Variants in NIPAL4 observed in about 807,000 individuals in gnomAD.
NIPAL4 encodes the protein magnesium transporter NIPA4.
Under a neutral mutation model 31.6 loss-of-function variants are expected in NIPAL4, and 21 were observed. The ratio of observed to expected loss-of-function variants is 0.67; its 90% confidence interval spans 0.47 to 0.96. The LOEUF (loss-of-function observed/expected upper bound fraction) is 0.96. NIPAL4 is among the 40% of genes least tolerant of loss of function. The pLI is 0.00. For missense variants in NIPAL4, 438 were observed against 508.0 expected, an observed-to-expected ratio of 0.86 and a Z score of 1.32; for synonymous variants, 175 against 211.1, an observed-to-expected ratio of 0.83 and a Z score of 1.48.
At chr5:157,465,015 A>G (rs1242989268) in intron 2 of NIPAL4, among the ~76,000 whole-genome samples, 1 of 152,136 alleles carries the variant, frequency 6.6e-6, no homozygotes, top group Non-Finnish European at 1.5e-5. Context: ...AAAGGTTCCC[A>G]CAGTTAGAGG....
Position 157,460,366 on chromosome 5 carries a change from G to A in NIPAL4, c.37+9G>A, listed in dbSNP as rs149147646. ...CACCAGCTGCGAGAACGGTGCGTAC[G>A]GCAGGGCTGGGGACCAGGCGGGCTC... On this transcript the variant is annotated intron_variant, in intron 1 of 5. Transcript: ENST00000311946. The A allele has an allele frequency of 4.7e-5, 72 of 1,542,152 alleles. No homozygotes were observed. The highest frequency in any genetic ancestry group is 6.2e-5 in the Non-Finnish European group (71 of 1,144,682).
Position 157,460,292 on chromosome 5 carries a change from C to A in NIPAL4, c.-29C>A, listed in dbSNP as rs1376932702. ...CTGGGGAGCCCGGGCGCCGTCCGCC[C>A]GCGCGTCGGTTCGTGTGCCCCGGGC... On this transcript the variant is annotated 5_prime_UTR_variant, in exon 1 of 6. Coordinates refer to ENST00000311946, the MANE Select transcript of NIPAL4 (RefSeq NM_001099287.2). 1 of 1,545,930 alleles carries A rather than the reference C, an allele frequency of 6.5e-7. No individual in the cohort carries two copies.
chr5:157,461,488 G>T lies in NIPAL4; in HGVS notation c.37+1131G>T, dbSNP rs1432088492. ...TTCAGGGAGCAGGGGAAGGGCGTGG[G>T]GATGAGTTTGGTCTTCCTCTCAGGA... On this transcript the variant is annotated intron_variant, in intron 1 of 5. Transcript: ENST00000311946. 5.3e-5 allele frequency among the ~76,000 whole-genome samples: 8 copies of T among 152,282 alleles called. No individual in the cohort carries two copies. In the East Asian group the frequency reaches 1.5e-3, roughly 29 times the overall value.
At chr5:157,460,442 C>T (rs1754061322) in intron 1 of NIPAL4, 85 bp downstream of exon 1, 2 of 1,357,556 alleles carry the variant, frequency 1.5e-6, no homozygotes. Context: ...GCATCCTCTC[C>T]TCCCAGGGGG....
chr5:157,472,998 T>G lies in NIPAL4; in HGVS notation c.*38T>G, dbSNP rs1321008205. On this transcript the variant is annotated 3_prime_UTR_variant, in exon 6 of 6. Transcript: ENST00000311946. ...GTGAGTGAGAGGATGAGTCCGATGG[T>G]ACAGCCTGCCCTCCCAATTTCAAAA... 1 of 1,478,772 alleles carries G rather than the reference T, an allele frequency of 6.8e-7. No homozygotes were observed. Among genetic ancestry groups the G allele is most frequent in the Non-Finnish European group, 9.0e-7 (1 of 1,116,814 alleles). The allele number at this position is 1,478,772 out of a possible 1,614,324, so 91.6% of individuals were successfully genotyped here. A position where few individuals can be genotyped will look rare whatever the true frequency, so the allele number is the denominator to read the frequency against.
chr5:157,465,861 G>A (rs1754258475), intron 2 of NIPAL4, among the ~76,000 whole-genome samples: 2 of 152,010 alleles, frequency 1.3e-5, no homozygotes, highest in Admixed American at 1.3e-4. Flanking sequence ...CAGGCATGGT[G>A]GCATATGACT....
chr5:157,472,291 C>T (rs374696293), intron 5 of NIPAL4, 41 bp from the exon 6 acceptor site: 2 of 1,561,892 alleles, frequency 1.3e-6, no homozygotes, highest in Admixed American at 3.4e-5. Flanking sequence ...ATTGCCTGCA[C>T]CCTCCACAGC....
At chr5:157,471,298 G>A (rs1024399699) in intron 4 of NIPAL4, among the ~76,000 whole-genome samples, 4 of 152,088 alleles carry the variant, frequency 2.6e-5, no homozygotes, top group African/African-American at 9.7e-5. Context: ...TTAATATGCG[G>A]GATACATTCA....
Position 157,472,536 on chromosome 5 carries a change from C to T in NIPAL4, c.791C>T (p.Pro264Leu). The T allele has an allele frequency of 6.2e-7, 1 of 1,613,962 alleles. No homozygotes were observed. Among genetic ancestry groups the T allele is most frequent in the Non-Finnish European group, 8.5e-7 (1 of 1,179,876 alleles). ...CTGCCAGTTGTCCGGCACCCGCTCC[C>T]CTACATCCTGTCCCTCATCCTGGCA... ...QGLPVVRHPL[P>L]YILSLILALS... is the part of the protein sequence containing the mutation. Residue 264 changes from proline (P) to leucine (L), a missense_variant, in exon 6 of 6, where the codon CCC (proline) becomes CTC (leucine). Coordinates refer to ENST00000311946, the MANE Select transcript of NIPAL4 (RefSeq NM_001099287.2).
At chr5:157,470,307 C>T (rs1581270908) in intron 4 of NIPAL4, among the ~76,000 whole-genome samples, 1 of 152,132 alleles carries the variant, frequency 6.6e-6, no homozygotes, top group African/African-American at 2.4e-5. Flanking sequence ...GAAATCATGT[C>T]ACCACGGTGC....
chr5:157,463,425 G>C, intron 2 of NIPAL4, 92 bp downstream of exon 2: 1 of 1,403,068 alleles, frequency 7.1e-7, no homozygotes, highest in Non-Finnish European at 9.4e-7. Context: ...CCTCAGCAAG[G>C]TACAAAAGGC....
chr5:157,461,098 C>T (rs944524747), intron 1 of NIPAL4, among the ~76,000 whole-genome samples: 1 of 152,198 alleles, frequency 6.6e-6, no homozygotes, highest in African/African-American at 2.4e-5. Flanking sequence ...TGTCTTGGAA[C>T]TGCAGGCTGT....
intron 2 of NIPAL4, among the ~76,000 whole-genome samples, chr5:157,466,786 G>A (rs1754285887): frequency 6.6e-6 from 1 of 152,234 alleles, no homozygotes; most frequent in Non-Finnish European, 1.5e-5. Context: ...TGAGATGCCT[G>A]TGAGGAATCC....
In NIPAL4 at chr5:157,471,087, G is replaced by A. The variant is rs561664725; in HGVS notation, c.426-570G>A. 2.6e-4 allele frequency among the ~76,000 whole-genome samples: 40 copies of A among 152,282 alleles called. No individual in the cohort carries two copies. In the East Asian group the frequency reaches 3.5e-3, roughly 13 times the overall value. Reference sequence around the variant, plus strand: ...GGGCAGTGGGAAGCACAGATATTTCGTATGAACTGTTTTTAAAACTATCAG... The same window carrying A: ...GGGCAGTGGGAAGCACAGATATTTCATATGAACTGTTTTTAAAACTATCAG... On this transcript the variant is annotated intron_variant, in intron 4 of 5. Transcript: ENST00000311946.
intron 1 of NIPAL4, 135 bp downstream of exon 1, chr5:157,460,492 C>T: frequency 1.2e-6 from 1 of 861,790 alleles, no homozygotes; most frequent in Admixed American, 2.0e-5. Flanking sequence ...CGAGGTGGCT[C>T]CCACCCAGCT....
Position 157,463,330 on chromosome 5 carries a change from G to A in NIPAL4, c.274G>A (p.Ala92Thr). Residue 92 changes from alanine to threonine, a missense_variant, in exon 2 of 6, where the codon GCT becomes ACT. Ala to Thr is a moderately conservative substitution (Grantham distance 58). Transcript: ENST00000311946. ...ACTCGTGGCCACGGGAGCCACTCGA[G>A]CTGGTAGGTTCCTGGGCCAGGAGAG... ...LRLVATGATR[A>T]VDGGFGYLKD... 6.2e-7 allele frequency: 1 copy of A among 1,607,586 alleles called. No individual in the cohort carries two copies. Among genetic ancestry groups the A allele is most frequent in the Non-Finnish European group, 8.5e-7 (1 of 1,176,112 alleles).
At chr5:157,465,554 T>G (rs892845165) in intron 2 of NIPAL4, among the ~76,000 whole-genome samples, 3 of 152,230 alleles carry the variant, frequency 2.0e-5, no homozygotes, top group African/African-American at 7.2e-5. Context: ...TTACTGAGTA[T>G]TGACTACGTG....
At chr5:157,462,521 G>C (rs1484032500) in intron 1 of NIPAL4, among the ~76,000 whole-genome samples, 5 of 152,098 alleles carry the variant, frequency 3.3e-5, no homozygotes, top group South Asian at 4.2e-4. Flanking sequence ...CAAACAAAAA[G>C]CCTCTTAGGA....
In NIPAL4 at chr5:157,473,000, C is replaced by T. The variant is rs778083010; in HGVS notation, c.*40C>T. ...GAGTGAGAGGATGAGTCCGATGGTA[C>T]AGCCTGCCCTCCCAATTTCAAAACC... On this transcript the variant is annotated 3_prime_UTR_variant, in exon 6 of 6. Transcript: ENST00000311946. The T allele has an allele frequency of 6.8e-7, 1 of 1,466,428 alleles. No homozygotes were observed. The highest frequency in any genetic ancestry group is 9.0e-7 in the Non-Finnish European group (1 of 1,109,096). The allele number at this position is 1,466,428 out of a possible 1,614,324, so 90.8% of individuals were successfully genotyped here.
Sources: gnomAD v4.1 joint callset for allele counts (sites outside exome capture counted in the v4.1 genomes callset) on GRCh38, gnomAD v4.1.1 for gene constraint, MANE v1.5 for transcripts, NCBI Gene and HGNC (gene_info 2026-07-23, HGNC 2026-07-21) for gene names.